Variants in DENND2B observed in about 807,000 individuals in gnomAD.
DENND2B encodes the protein DENN domain-containing protein 2B.
In DENND2B, 32 loss-of-function variants were observed where a neutral mutation model predicts 116.0. The observed-to-expected ratio is 0.28, with a 90% CI of 0.21 to 0.37. The LOEUF (loss-of-function observed/expected upper bound fraction) is 0.37. Among genes scored for constraint, DENND2B ranks in the 10% least tolerant of loss-of-function variants. The pLI is 1.00. For synonymous variants in DENND2B, 588 were observed against 583.9 expected (o/e 1.01, Z -0.10); for missense variants, 1,276 against 1,477.7 (o/e 0.86, Z 2.24).
chr11:8,823,489 C>T (rs960648765), intron 4 of DENND2B, among the ~76,000 whole-genome samples: 1 of 152,166 alleles, frequency 6.6e-6, no homozygotes, highest in Non-Finnish European at 1.5e-5. Flanking sequence ...AATTGTAGTT[C>T]CCATAATCCC....
intron 13 of DENND2B, among the ~76,000 whole-genome samples, 194 bp downstream of exon 13, chr11:8,706,891 G>A (rs965407995): frequency 6.6e-6 from 1 of 152,180 alleles, no homozygotes; most frequent in Non-Finnish European, 1.5e-5. Context: ...GAAGGCCCCT[G>A]GGAGGAACAG....
intron 1 of DENND2B, among the ~76,000 whole-genome samples, chr11:8,775,703 T>G (rs1158017794): frequency 4.6e-5 from 7 of 152,282 alleles, no homozygotes; most frequent in South Asian, 2.1e-4. Context: ...TTTAACCAAA[T>G]AAGAGCCAAA....
intron 6 of DENND2B, among the ~76,000 whole-genome samples, chr11:8,715,104 C>T (rs887923939): frequency 4.6e-5 from 7 of 152,196 alleles, no homozygotes; most frequent in Non-Finnish European, 7.3e-5. Context: ...TAACCTGGGG[C>T]CCCGACAGGA....
chr11:8,896,469 C>A (rs1201707891), intron 1 of DENND2B, among the ~76,000 whole-genome samples: 1 of 152,162 alleles, frequency 6.6e-6, no homozygotes, highest in Non-Finnish European at 1.5e-5. Flanking sequence ...GTCACTAAAA[C>A]TCTACACAAG....
chr11:8,764,942 C>CACATA (rs772055051), intron 1 of DENND2B, among the ~76,000 whole-genome samples: 1 of 100,290 alleles, frequency 1.0e-5, no homozygotes, highest in Non-Finnish European at 1.9e-5. Context: ...GAGACTGTCT[C>CACATA]AAAAAAAAAA....
At chr11:8,791,299 T>C (rs554084184) in intron 1 of DENND2B, among the ~76,000 whole-genome samples, 63 of 152,316 alleles carry the variant, frequency 4.1e-4, no homozygotes, top group Admixed American at 1.2e-3. Context: ...CTGGAAAGTT[T>C]TGCAAAGGGG....
chr11:8,818,703 A>T (rs538524050), intron 4 of DENND2B, among the ~76,000 whole-genome samples: 2 of 152,334 alleles, frequency 1.3e-5, no homozygotes, highest in East Asian at 3.9e-4. Flanking sequence ...GCTAGCTGTA[A>T]TATTCTTTAG....
At chr11:8,901,758 AT>A (rs1270837466) in intron 1 of DENND2B, among the ~76,000 whole-genome samples, 1 of 152,112 alleles carries the variant, frequency 6.6e-6, no homozygotes, top group Non-Finnish European at 1.5e-5. Flanking sequence ...ATTTGCAAAT[AT>A]TTGTAGATTC....
At position 8,710,827 on chromosome 11, in the gene DENND2B, C is replaced by T; in HGVS notation, c.2352+18G>A. ...TATCCCCTGCCTGCTGGCCTGAGGA[C>T]CGAATGGCCTCACTCACCAGTAAGC... On this transcript the variant is annotated intron_variant, in intron 11 of 19. Coordinates refer to ENST00000313726, the MANE Select transcript of DENND2B (RefSeq NM_213618.2). 6.2e-7 allele frequency: 1 copy of T among 1,612,760 alleles called. No individual in the cohort carries two copies. Among genetic ancestry groups the T allele is most frequent in the Non-Finnish European group, 8.5e-7 (1 of 1,179,556 alleles).
At chr11:8,886,414 T>C (rs147658666) in intron 1 of DENND2B, among the ~76,000 whole-genome samples, 1 of 152,028 alleles carries the variant, frequency 6.6e-6, no homozygotes, top group East Asian at 1.9e-4. Context: ...TGTAAAAAAG[T>C]TAAAGGAGAT....
At chr11:8,747,975 C>A (rs1207896961) in intron 2 of DENND2B, among the ~76,000 whole-genome samples, 3 of 152,200 alleles carry the variant, frequency 2.0e-5, no homozygotes, top group Non-Finnish European at 2.9e-5. Flanking sequence ...TTCAAATACA[C>A]ACCTTGACAG....
intron 1 of DENND2B, among the ~76,000 whole-genome samples, chr11:8,800,476 T>C (rs891525375): frequency 6.6e-6 from 1 of 152,184 alleles, no homozygotes; most frequent in Admixed American, 6.5e-5. Context: ...TGTGGAAGCC[T>C]GCAGAAGTAA....
intron 15 of DENND2B, 118 bp from the exon 16 acceptor site, chr11:8,699,092 G>A (rs2041004633): frequency 1.3e-6 from 2 of 1,532,366 alleles, no homozygotes; most frequent in Non-Finnish European, 1.8e-6. Context: ...TCCAGCCGGG[G>A]ATAGACCTCC....
Position 8,702,106 on chromosome 11 carries a change from C to T in DENND2B, c.2720+466G>A, listed in dbSNP as rs1167337449. ...TCTCCAGGGGACACCCTCCACAGGA[C>T]CCTCGCTGGCTGGCTCAGCATTCCT... is the stretch of plus-strand genomic sequence containing the variant. On this transcript the variant is annotated intron_variant, in intron 14 of 19. Transcript: ENST00000313726. This position sits in a 1 kb window ranked among gnomAD's most constrained non-coding sequence, Gnocchi z 4.6. 6.6e-6 allele frequency among the ~76,000 whole-genome samples: 1 copy of T among 151,648 alleles called. No homozygotes were observed. The highest frequency in any genetic ancestry group is 1.5e-5 in the Non-Finnish European group (1 of 68,012).
chr11:8,797,680 G>C (rs1000450124), intron 1 of DENND2B, among the ~76,000 whole-genome samples: 7 of 151,918 alleles, frequency 4.6e-5, no homozygotes, highest in African/African-American at 1.7e-4. Context: ...AAACTCTTGG[G>C]TTCCAGCGAT....
intron 11 of DENND2B, among the ~76,000 whole-genome samples, chr11:8,708,827 T>C (rs1455705966): frequency 6.6e-6 from 1 of 152,038 alleles, no homozygotes; most frequent in Non-Finnish European, 1.5e-5. Context: ...GGCATGCGCC[T>C]GTAATCCCAG....
intron 1 of DENND2B, among the ~76,000 whole-genome samples, chr11:8,883,299 C>A (rs902841378): frequency 4.2e-4 from 64 of 152,226 alleles, no homozygotes; most frequent in Admixed American, 2.9e-3. Context: ...TGATAAATTT[C>A]TTTTCCAAAA....
At chr11:8,743,698 C>T (rs1200498354) in intron 2 of DENND2B, among the ~76,000 whole-genome samples, 2 of 152,048 alleles carry the variant, frequency 1.3e-5, no homozygotes, top group Admixed American at 6.6e-5. Context: ...AAACCTTTGT[C>T]CCATAGCAAT....
chr11:8,867,153 C>T (rs11042103), intron 2 of DENND2B, among the ~76,000 whole-genome samples: 50,296 of 152,068 alleles, frequency 0.33, 10,314 homozygotes, highest in Non-Finnish European at 0.44. Flanking sequence ...TCAGAGGAAA[C>T]GGCGTACAGG....
Sources: allele counts gnomAD v4.1 joint callset (sites outside exome capture counted in the v4.1 genomes callset), GRCh38; gene constraint gnomAD v4.1.1; non-coding constraint Gnocchi (gnomAD v3.1); transcripts MANE v1.5; gene names NCBI Gene and HGNC (gene_info 2026-07-23, HGNC 2026-07-21).